Variants in MEF2A observed in about 807,000 individuals in gnomAD.
MEF2A encodes myocyte enhancer factor 2A, also known as myocyte-specific enhancer factor 2A.
A neutral mutation model predicts 55.8 loss-of-function variants in MEF2A; 28 were observed. The ratio of observed to expected loss-of-function variants is 0.50; its 90% CI spans 0.37 to 0.69. The LOEUF is 0.69. Among genes scored for constraint, MEF2A ranks in the 30% least tolerant of loss-of-function variants. The probability of loss-of-function intolerance (pLI) is 0.00; values close to 1 mark genes in which losing one functional copy is unlikely to be tolerated. For synonymous variants in MEF2A, 239 were observed against 227.1 expected (o/e 1.05, Z -0.47); for missense variants, 528 against 626.2 (o/e 0.84, Z 1.67).
chr15:99,701,336 A>C (rs1254967224), intron 8 of MEF2A, among the ~76,000 whole-genome samples: 1 of 152,182 alleles, frequency 6.6e-6, no homozygotes, highest in Admixed American at 6.5e-5. Context: ...ATCAGACCCA[A>C]ATTGAGAGAC....
intron 2 of MEF2A, among the ~76,000 whole-genome samples, chr15:99,617,262 G>T (rs376304263): frequency 5.5e-4 from 41 of 73,890 alleles, no homozygotes; most frequent in African/African-American, 1.0e-3. Context: ...TATGTGTTTG[G>T]TTTTTTTTTT....
intron 2 of MEF2A, among the ~76,000 whole-genome samples, chr15:99,618,640 T>G (rs759068151): frequency 1.3e-5 from 2 of 152,156 alleles, no homozygotes; most frequent in African/African-American, 2.4e-5. Flanking sequence ...CGGTTCAGAA[T>G]AATACATTTA....
chr15:99,689,025 A>G (rs12916000), intron 7 of MEF2A, among the ~76,000 whole-genome samples: 38,692 of 152,072 alleles, frequency 0.25, 5,326 homozygotes, highest in African/African-American at 0.34. Flanking sequence ...GACTGACTAC[A>G]GTATTCATGA....
intron 8 of MEF2A, among the ~76,000 whole-genome samples, chr15:99,701,094 T>C (rs576759941): frequency 1.3e-5 from 2 of 152,340 alleles, no homozygotes; most frequent in East Asian, 3.9e-4. Context: ...TATTTTGCTT[T>C]GTCTCAGAAT....
intron 5 of MEF2A, among the ~76,000 whole-genome samples, chr15:99,673,035 GAT>G (rs906789901): frequency 6.6e-6 from 1 of 152,162 alleles, no homozygotes; most frequent in African/African-American, 2.4e-5. Flanking sequence ...GCACAGAAAA[GAT>G]ATATTGAAGC....
At chr15:99,573,947 A>G (rs559301584) in intron 1 of MEF2A, among the ~76,000 whole-genome samples, 6 of 152,340 alleles carry the variant, frequency 3.9e-5, no homozygotes, top group African/African-American at 1.4e-4. Context: ...TGGATTACGA[A>G]GAGAAAGGGA....
chr15:99,672,209 A>T (rs953413968), intron 5 of MEF2A, among the ~76,000 whole-genome samples: 4 of 152,248 alleles, frequency 2.6e-5, no homozygotes, highest in African/African-American at 9.6e-5. Context: ...AAATGTCCCC[A>T]AATCACTTAG....
At position 99,714,011 on chromosome 15, in the gene MEF2A, A is replaced by T. The variant is rs2058916708; in HGVS notation, c.*1240A>T. The T allele has an allele frequency of 6.6e-6, 1 of 152,198 alleles. No individual in the cohort carries two copies. Among genetic ancestry groups the T allele is most frequent in the Non-Finnish European group, 1.5e-5 (1 of 68,032 alleles). 9.4% of individuals were successfully genotyped at this position (152,198 alleles called of 1,614,324 possible). A position where few individuals can be genotyped will look rare whatever the true frequency, so the allele number is the denominator to read the frequency against. On this transcript the variant is annotated 3_prime_UTR_variant, in exon 12 of 12. Coordinates refer to ENST00000557942, the MANE Select transcript of MEF2A (RefSeq NM_001319206.4). ...TGTTTAATATTTACTATTTTGTTAA[A>T]TATACTGTACTTTGGATTTTAATTA...
rs1482792222 is a variant in MEF2A at position 99,712,441 on chromosome 15, A to G, written c.1188A>G (p.Gln396=). Residue 396 remains glutamine, a synonymous_variant, in exon 12 of 12, where the codon CAA becomes CAG. Coordinates refer to ENST00000557942, the MANE Select transcript of MEF2A (RefSeq NM_001319206.4). The surrounding 1 kb of genome is among the most constrained non-coding windows in gnomAD (Gnocchi z 4.1). ...QGSNLSINTN[Q]NISIKSEPIS... ...CCAATTTATCCATTAATACCAACCA[A>G]AACATCAGCATCAAGTCCGAACCGA... 6.5e-6 allele frequency: 10 copies of G among 1,550,124 alleles called. No homozygotes were observed. The highest frequency in any genetic ancestry group is 8.7e-6 in the Non-Finnish European group (10 of 1,145,570).
chr15:99,592,149 T>C (rs1282069367), intron 1 of MEF2A, among the ~76,000 whole-genome samples: 2 of 152,304 alleles, frequency 1.3e-5, no homozygotes, highest in East Asian at 1.9e-4. Context: ...TTTTACACTT[T>C]GTTCTGGCAG....
chr15:99,639,971 C>G (rs569905834), intron 3 of MEF2A, among the ~76,000 whole-genome samples: 1 of 152,206 alleles, frequency 6.6e-6, no homozygotes, highest in East Asian at 1.9e-4. Flanking sequence ...TACCAAAACA[C>G]TTTGTAAACA....
chr15:99,706,607 A>T, intron 9 of MEF2A, 122 bp from the exon 10 acceptor site: 2 of 1,078,098 alleles, frequency 1.9e-6, no homozygotes, highest in Non-Finnish European at 2.8e-6. Context: ...TTTTCACATC[A>T]TCAGTGCTTC....
intron 7 of MEF2A, among the ~76,000 whole-genome samples, chr15:99,676,556 C>A (rs772017129): frequency 3.9e-4 from 59 of 149,612 alleles, no homozygotes; most frequent in Non-Finnish European, 3.3e-4. Context: ...TGACATCTTA[C>A]AGATGCATCA....
At chr15:99,576,932 C>T (rs1964484097) in intron 1 of MEF2A, among the ~76,000 whole-genome samples, 1 of 152,172 alleles carries the variant, frequency 6.6e-6, no homozygotes, top group Admixed American at 6.5e-5. Flanking sequence ...CAGGCGTGAG[C>T]CACCACGCCT....
intron 4 of MEF2A, among the ~76,000 whole-genome samples, chr15:99,669,871 A>G (rs2050511146): frequency 6.6e-6 from 1 of 152,232 alleles, no homozygotes; most frequent in Non-Finnish European, 1.5e-5. Flanking sequence ...GAAATAATCA[A>G]AAATATCTTT....
chr15:99,578,096 T>G (rs188555164), intron 1 of MEF2A, among the ~76,000 whole-genome samples: 232 of 152,240 alleles, frequency 1.5e-3, no homozygotes, highest in African/African-American at 5.3e-3. Context: ...CTAATTTCTG[T>G]TTTTTCTTCC....
intron 4 of MEF2A, among the ~76,000 whole-genome samples, chr15:99,670,327 G>C (rs2050614240): frequency 6.6e-6 from 1 of 152,082 alleles, no homozygotes. Flanking sequence ...CTCCAGAAAG[G>C]GCTGGGCACA....
intron 1 of MEF2A, among the ~76,000 whole-genome samples, chr15:99,566,894 G>A (rs1404846107): frequency 6.6e-6 from 1 of 152,222 alleles, no homozygotes; most frequent in Non-Finnish European, 1.5e-5. Flanking sequence ...ACCGCTGGCT[G>A]AACCCCTGCC....
chr15:99,645,323 G>T (rs181466124), intron 3 of MEF2A, among the ~76,000 whole-genome samples: 223 of 152,282 alleles, frequency 1.5e-3, no homozygotes, highest in African/African-American at 5.2e-3. Flanking sequence ...TGGAGTGGCA[G>T]CCAAGGATAA....
Sources: allele counts gnomAD v4.1 joint callset (sites outside exome capture counted in the v4.1 genomes callset), GRCh38; gene constraint gnomAD v4.1.1; non-coding constraint Gnocchi (gnomAD v3.1); transcripts MANE v1.5; gene names NCBI Gene and HGNC (gene_info 2026-07-23, HGNC 2026-07-21).